The following CHGA variants were observed in gnomAD, a reference collection of about 807,000 sequenced individuals.
CHGA encodes chromogranin A.
In CHGA, 41 loss-of-function variants were observed where a neutral mutation model predicts 54.4. The ratio of observed to expected loss-of-function variants is 0.75; its 90% CI spans 0.59 to 0.98. CHGA has a LOEUF of 0.98. Ranked by LOEUF, CHGA falls within the 50% of genes least tolerant of loss-of-function variation. The probability of loss-of-function intolerance (pLI) is 0.00; values close to 1 mark genes in which losing one functional copy is unlikely to be tolerated. For synonymous variants in CHGA, 249 were observed against 232.8 expected (o/e 1.07, Z -0.63); for missense variants, 576 against 582.3 (o/e 0.99, Z 0.11).
At position 92,926,608 on chromosome 14, in the gene CHGA, A is replaced by G; in HGVS notation, c.97A>G (p.Met33Val). 1 of 1,613,852 alleles carries G rather than the reference A, an allele frequency of 6.2e-7. No individual in the cohort carries two copies. The highest frequency in any genetic ancestry group is 1.1e-5 in the South Asian group (1 of 91,074). Residue 33 changes from methionine (M) to valine (V), a missense_variant, in exon 3 of 8, where the codon ATG (methionine) becomes GTG (valine). By Grantham distance (21) the Met-to-Val change is conservative. Transcript: ENST00000216492. Reference protein sequence around the residue: ...SPMNKGDTEVMKCIVEVISDT... With the variant: ...SPMNKGDTEVVKCIVEVISDT... Reference sequence around the variant, plus strand: ...TGCCCCTGCACTGTGTTCCCAGGTGATGAAATGCATCGTTGAGGTCATCTC... The same window carrying G: ...TGCCCCTGCACTGTGTTCCCAGGTGGTGAAATGCATCGTTGAGGTCATCTC...
intron 5 of CHGA, among the ~76,000 whole-genome samples, chr14:92,930,171 GTCC>G (rs2139671843): frequency 6.6e-6 from 1 of 152,368 alleles, no homozygotes. Context: ...CCCAGTGCCT[GTCC>G]TCCTGGGAAG....
chr14:92,931,706 C>T lies in CHGA; in HGVS notation c.808+4C>T, dbSNP rs112346026. The stretch of plus-strand genomic sequence containing the variant: ...AAGGAGATCCGGAAAGGCGAGAGTA[C>T]GTATGATGGCGAAGACCTCAACGAA... On this transcript the variant is annotated splice_donor_region_variant and intron_variant, in intron 6 of 7. Coordinates refer to ENST00000216492, the MANE Select transcript of CHGA (RefSeq NM_001275.4). The T allele has an allele frequency of 2.0e-4, 317 of 1,552,758 alleles. 3 individuals carry two copies. The East Asian group carries it at 6.8e-3, about 33-fold the overall frequency.
intron 2 of CHGA, chr14:92,926,102 GGTGTTTGGAGACAGT>G: frequency 6.4e-6 from 1 of 156,496 alleles, no homozygotes; most frequent in Non-Finnish European, 1.4e-5. Context: ...CAACACCATG[GGTGTTTGGAGACAGT>G]AACCTACATC....
At chr14:92,923,058 A>C (rs7159323), upstream of CHGA, 206,551 of 258,476 alleles carry the variant, frequency 0.8, 83,081 homozygotes, top group East Asian at 0.95. Flanking sequence ...GGGACTGGAC[A>C]CCTGGGGAGT....
chr14:92,932,554 G>A lies in CHGA; in HGVS notation c.993G>A (p.Arg331=), dbSNP rs752136557. ...GAGAGCTGGAGCAGGAGGAGGAGCG[G>A]CTCTCCAAGGAGTGGGAGGACTCCA... is the stretch of plus-strand genomic sequence containing the variant. ...KSGELEQEEE[R]LSKEWEDSKR... Residue 331 remains arginine, a synonymous_variant, in exon 7 of 8, where the codon CGG becomes CGA. Transcript: ENST00000216492. The surrounding 1 kb of genome is among the most constrained non-coding windows in gnomAD (Gnocchi z 5.3). The A allele has an allele frequency of 5.8e-6, 9 of 1,555,960 alleles. No homozygotes were observed. The highest frequency in any genetic ancestry group is 7.0e-6 in the Non-Finnish European group (8 of 1,149,846).
chr14:92,926,849 T>A (rs1192069996), intron 3 of CHGA, 151 bp downstream of exon 3: 2 of 690,484 alleles, frequency 2.9e-6, no homozygotes, highest in East Asian at 2.7e-5. Flanking sequence ...GGGTCCAAGG[T>A]GTACAGACAG....
Position 92,931,678 on chromosome 14 carries a change from T to G in CHGA, c.784T>G (p.Tyr262Asp), listed in dbSNP as rs1187655465. The change falls in exon 6 of 8, where the codon TAC (tyrosine) becomes GAC (aspartate). Residue 262 changes from tyrosine to aspartate, a missense_variant. Physicochemically the swap from Tyr to Asp is radical, Grantham distance 160 (BLOSUM62 -3). Transcript: ENST00000216492. ...VVLNPHPSLG[Y>D]KEIRKGESRS... ...GCTGAACCCCCACCCGAGCCTTGGC[T>G]ACAAGGAGATCCGGAAAGGCGAGAG... 5 of 1,583,392 alleles carry G rather than the reference T, an allele frequency of 3.2e-6. No homozygotes were observed. Among genetic ancestry groups the G allele is most frequent in the Non-Finnish European group, 4.3e-6 (5 of 1,161,384 alleles).
At chr14:92,929,859 G>A in intron 5 of CHGA, 44 bp downstream of exon 5, 6 of 1,537,858 alleles carry the variant, frequency 3.9e-6, no homozygotes, top group Non-Finnish European at 4.5e-6. Context: ...AGGGAGGGTG[G>A]CAGTGGGAAC....
chr14:92,927,954 C>T (rs536548479), intron 4 of CHGA, among the ~76,000 whole-genome samples: 1 of 152,332 alleles, frequency 6.6e-6, no homozygotes, highest in South Asian at 2.1e-4. Context: ...GATATTCAAG[C>T]CAAGCCTGGA....
intron 4 of CHGA, among the ~76,000 whole-genome samples, 158 bp downstream of exon 4, chr14:92,927,776 TTATTGA>T (rs1387468735): frequency 3.9e-5 from 6 of 152,218 alleles, no homozygotes; most frequent in Non-Finnish European, 7.3e-5. Context: ...GCTCAATCTG[TTATTGA>T]TATTGTTAAA....
chr14:92,926,533 C>T, intron 2 of CHGA, 72 bp from the exon 3 acceptor site: 1 of 1,277,466 alleles, frequency 7.8e-7, no homozygotes, highest in Non-Finnish European at 1.1e-6. Context: ...ACTAGAAATT[C>T]ACCCTAGAGC....
At position 92,935,016 on chromosome 14, in the gene CHGA, G is replaced by C; in HGVS notation, c.*132G>C. On this transcript the variant is annotated 3_prime_UTR_variant, in exon 8 of 8. Transcript: ENST00000216492. Reference sequence around the variant, plus strand: ...CAGCCTCCAGCCTGCCCAAGCCCAGGCCACCCTATCGCCCCCTACGCGCCT... The same window carrying C: ...CAGCCTCCAGCCTGCCCAAGCCCAGCCCACCCTATCGCCCCCTACGCGCCT... 2.8e-6 allele frequency: 2 copies of C among 718,222 alleles called. No individual in the cohort carries two copies. The highest frequency in any genetic ancestry group is 4.4e-6 in the Non-Finnish European group (2 of 455,170). 44.5% of individuals were successfully genotyped at this position (718,222 alleles called of 1,614,324 possible). A position where few individuals can be genotyped will look rare whatever the true frequency, so the allele number is the denominator to read the frequency against.
intron 4 of CHGA, among the ~76,000 whole-genome samples, chr14:92,928,509 C>T (rs1047758303): frequency 6.6e-6 from 1 of 152,214 alleles, no homozygotes; most frequent in Admixed American, 6.5e-5. Flanking sequence ...GTGCTGGGCA[C>T]AGCTGGGACT....
Position 92,927,619 on chromosome 14 carries a change from G to A in CHGA, c.256+1G>A. 6.2e-7 allele frequency: 1 copy of A among 1,612,060 alleles called. No individual in the cohort carries two copies. The highest frequency in any genetic ancestry group is 8.5e-7 in the Non-Finnish European group (1 of 1,178,934). On this transcript the variant is annotated splice_donor_variant, in intron 4 of 7. Transcript: ENST00000216492. LOFTEE classifies it high-confidence loss of function. Reference sequence around the variant, plus strand: ...GAGCTCCAAGACCTCGCTCTCCAAGGTATTTTCCAGCCACTGCACTTGACT... The same window carrying A: ...GAGCTCCAAGACCTCGCTCTCCAAGATATTTTCCAGCCACTGCACTTGACT...
intron 5 of CHGA, among the ~76,000 whole-genome samples, 180 bp downstream of exon 5, chr14:92,929,995 G>T (rs1452794330): frequency 6.6e-6 from 1 of 152,210 alleles, no homozygotes; most frequent in Non-Finnish European, 1.5e-5. Context: ...AAGGTGAGTG[G>T]CATGACCAGG....
intron 3 of CHGA, 60 bp downstream of exon 3, chr14:92,926,758 G>A (rs1886894584): frequency 1.4e-6 from 2 of 1,393,174 alleles, no homozygotes; most frequent in Admixed American, 3.4e-5. Context: ...GCTAGGACAT[G>A]GGTGTGTGGC....
intron 2 of CHGA, among the ~76,000 whole-genome samples, chr14:92,924,971 A>G (rs1886858305): frequency 6.6e-6 from 1 of 152,202 alleles, no homozygotes; most frequent in Admixed American, 6.5e-5. Flanking sequence ...CTTCCCAGAA[A>G]CTATTCTCTT....
Position 92,923,347 on chromosome 14 carries a change from G to A in CHGA, c.-13G>A, listed in dbSNP as rs1012018938. On this transcript the variant is annotated 5_prime_UTR_variant, in exon 1 of 8. Coordinates refer to ENST00000216492, the MANE Select transcript of CHGA (RefSeq NM_001275.4). ...GGCCCCACACCGCCAGCTGCTCGGC[G>A]CCCGGGTCCGCCATGCGCTCCGCCG... 3 of 1,319,380 alleles carry A rather than the reference G, an allele frequency of 2.3e-6. No individual in the cohort carries two copies. Among genetic ancestry groups the A allele is most frequent in the African/African-American group, 3.1e-5 (2 of 65,288 alleles). 81.7% of individuals were successfully genotyped at this position (1,319,380 alleles called of 1,614,324 possible).
intron 5 of CHGA, among the ~76,000 whole-genome samples, chr14:92,931,029 T>C (rs1886982679): frequency 6.6e-6 from 1 of 152,260 alleles, no homozygotes; most frequent in Non-Finnish European, 1.5e-5. Flanking sequence ...GTTCTTTGAA[T>C]AATAACCTGT....
Sources: allele counts gnomAD v4.1 joint callset (sites outside exome capture counted in the v4.1 genomes callset), GRCh38; gene constraint gnomAD v4.1.1; non-coding constraint Gnocchi (gnomAD v3.1); transcripts MANE v1.5; gene names NCBI Gene and HGNC (gene_info 2026-07-23, HGNC 2026-07-21).